Variants in LMBRD2 observed in about 807,000 individuals in gnomAD.
LMBRD2 encodes G protein-coupled receptor-associated protein LMBRD2.
LMBRD2 carries 55 observed loss-of-function variants against 94.4 expected under a neutral mutation model. That is an observed-to-expected ratio of 0.58 (90% CI 0.47 to 0.73). LMBRD2 has a LOEUF of 0.73. LMBRD2 is among the 30% of genes least tolerant of loss of function. LMBRD2 has a pLI of 0.00. For synonymous variants in LMBRD2, 246 were observed against 272.4 expected, an observed-to-expected ratio of 0.90 and a Z score of 0.95; for missense variants, 640 against 831.9, an observed-to-expected ratio of 0.77 and a Z score of 2.84.
At chr5:36,111,015 T>G (rs1743591704) in intron 14 of LMBRD2, 140 bp downstream of exon 14, 2 of 589,474 alleles carry the variant, frequency 3.4e-6, no homozygotes, top group African/African-American at 3.8e-5. Context: ...ATTGTACATT[T>G]TTAGCTAAAA....
chr5:36,133,773 T>C (rs1744208071), intron 6 of LMBRD2, among the ~76,000 whole-genome samples: 1 of 152,116 alleles, frequency 6.6e-6, no homozygotes, highest in Admixed American at 6.5e-5. Flanking sequence ...AGTCCAATGC[T>C]GGTCCTTAAT....
chr5:36,140,324 A>G (rs544100340), intron 4 of LMBRD2, among the ~76,000 whole-genome samples: 1 of 152,264 alleles, frequency 6.6e-6, no homozygotes, highest in East Asian at 1.9e-4. Context: ...TCACCACTCC[A>G]TGCCTGGCTC....
At chr5:36,114,645 A>G (rs1282341875) in intron 12 of LMBRD2, 124 bp from the exon 13 acceptor site, 5 of 1,182,352 alleles carry the variant, frequency 4.2e-6, no homozygotes, top group Non-Finnish European at 5.5e-6. Flanking sequence ...AAAAGTAGAA[A>G]AAAAGCAGTA....
At chr5:36,139,029 C>T (rs1744340263) in intron 4 of LMBRD2, among the ~76,000 whole-genome samples, 1 of 152,138 alleles carries the variant, frequency 6.6e-6, no homozygotes, top group Admixed American at 6.5e-5. Flanking sequence ...GAGCCCCACC[C>T]CCTTCCGAGT....
chr5:36,101,448 C>T lies in LMBRD2; in HGVS notation c.*2598G>A, dbSNP rs1362371445. The T allele has an allele frequency of 6.6e-6, 1 of 151,768 alleles. No homozygotes were observed. The highest frequency in any genetic ancestry group is 1.5e-5 in the Non-Finnish European group (1 of 67,826). 9.4% of individuals were successfully genotyped at this position (151,768 alleles called of 1,614,324 possible). On this transcript the variant is annotated 3_prime_UTR_variant, in exon 18 of 18. Transcript: ENST00000296603. The stretch of plus-strand genomic sequence containing the variant: ...TCATCAAAAATTACCAGAAATAATT[C>T]TTTAAGAAATGTACTTTGCATGTAA...
Position 36,122,942 on chromosome 5 carries a change from T to C in LMBRD2, c.842A>G (p.Glu281Gly). Residue 281 changes from glutamate to glycine, a missense_variant, in exon 8 of 18, where the codon GAA (glutamate) becomes GGA (glycine). Glu to Gly is a moderately conservative substitution (Grantham distance 98). Transcript: ENST00000296603. ...ATCATCCATGTTCCTACCCATTTTT[T>C]CCTGATACTCTGTAGGGCACTAAAA... is the stretch of plus-strand genomic sequence containing the variant. ...ILKKCPTEYQ[E>G]KMGRNMDDYE... 1 of 1,557,118 alleles carries C rather than the reference T, an allele frequency of 6.4e-7. No individual in the cohort carries two copies. The highest frequency in any genetic ancestry group is 1.4e-5 in the African/African-American group (1 of 70,402).
intron 9 of LMBRD2, among the ~76,000 whole-genome samples, chr5:36,118,547 G>C (rs1382744104): frequency 6.6e-6 from 1 of 151,578 alleles, no homozygotes; most frequent in Non-Finnish European, 1.5e-5. Flanking sequence ...CTCTAAAATA[G>C]TAATAAAAAA....
At chr5:36,124,306 AC>A in intron 6 of LMBRD2, 41 bp from the exon 7 acceptor site, 1 of 1,190,792 alleles carries the variant, frequency 8.4e-7, no homozygotes, top group South Asian at 1.3e-5. Context: ...TTCCATTTCT[AC>A]AGATCACATA....
intron 6 of LMBRD2, among the ~76,000 whole-genome samples, chr5:36,131,237 T>C (rs556843809): frequency 1.3e-5 from 2 of 152,244 alleles, no homozygotes; most frequent in South Asian, 2.1e-4. Context: ...AAAAAAGCCA[T>C]ATGAGCATTC....
At chr5:36,109,003 C>A (rs1049568069) in intron 15 of LMBRD2, among the ~76,000 whole-genome samples, 1 of 152,126 alleles carries the variant, frequency 6.6e-6, no homozygotes, top group Non-Finnish European at 1.5e-5. Flanking sequence ...AAATAAACTA[C>A]AAATATTAGA....
intron 6 of LMBRD2, among the ~76,000 whole-genome samples, chr5:36,126,266 T>C (rs1581053346): frequency 6.6e-6 from 1 of 152,226 alleles, no homozygotes; most frequent in South Asian, 2.1e-4. Flanking sequence ...TTTGTTTATA[T>C]ATTATATGTG....
At chr5:36,146,405 C>G (rs1042353869) in intron 1 of LMBRD2, among the ~76,000 whole-genome samples, 1 of 152,172 alleles carries the variant, frequency 6.6e-6, no homozygotes, top group Non-Finnish European at 1.5e-5. Context: ...GGGTCTCACA[C>G]TGTCGCCCAG....
Position 36,141,175 on chromosome 5 carries a change from A to T in LMBRD2, c.300T>A (p.Ser100Arg), listed in dbSNP as rs1215482617. 6.2e-7 allele frequency: 1 copy of T among 1,610,924 alleles called. No individual in the cohort carries two copies. The highest frequency in any genetic ancestry group is 1.7e-5 in the Admixed American group (1 of 59,804). Reference protein sequence around the residue: ...PSQHPCFKPWSYIPDGIMPIF... With the variant: ...PSQHPCFKPWRYIPDGIMPIF... ...TTGGCATGATTCCATCAGGAATGTA[A>T]CTCCATGGCTTGAAACAAGGATGCT... The change falls in exon 4 of 18, where the codon AGT (serine) becomes AGA (arginine). Residue 100 changes from serine (S) to arginine (R), a missense_variant. Physicochemically the swap from Ser to Arg is moderately radical, Grantham distance 110. Transcript: ENST00000296603.
intron 6 of LMBRD2, among the ~76,000 whole-genome samples, chr5:36,132,179 A>T (rs1744170646): frequency 6.6e-6 from 1 of 152,114 alleles, no homozygotes; most frequent in Non-Finnish European, 1.5e-5. Context: ...CATTTTTGAC[A>T]AGGGCTCCTA....
intron 4 of LMBRD2, among the ~76,000 whole-genome samples, chr5:36,139,945 T>C (rs1274556122): frequency 2.0e-5 from 3 of 152,184 alleles, no homozygotes; most frequent in African/African-American, 7.2e-5. Flanking sequence ...ATGGCAGAAC[T>C]GAAGGAGCTG....
chr5:36,113,458 G>C lies in LMBRD2; in HGVS notation c.1640+966C>G, dbSNP rs552848914. On this transcript the variant is annotated intron_variant, in intron 13 of 17. Coordinates refer to ENST00000296603, the MANE Select transcript of LMBRD2 (RefSeq NM_001007527.2). ...TTCCTTCTACAACTCGGTGTCTGAGGGGTTCTTGTCTGCGGCTCATCCTGC... is the reference window on the plus strand; with the variant it reads ...TTCCTTCTACAACTCGGTGTCTGAGCGGTTCTTGTCTGCGGCTCATCCTGC... Among the ~76,000 whole-genome samples the C allele has an allele frequency of 1.9e-4, 29 of 151,920 alleles. No homozygotes were observed. In the South Asian group the frequency reaches 6.0e-3, roughly 32 times the overall value.
At position 36,137,381 on chromosome 5, in the gene LMBRD2, C is replaced by T. The variant is rs1289100394; in HGVS notation, c.429G>A (p.Lys143=). Residue 143 remains lysine, a synonymous_variant, in exon 5 of 18, where the codon AAG becomes AAA. Transcript: ENST00000296603. ...CATTCTCAATTAGTGCAGTTTTGAT[C>T]TTTCCAGTGATGGAAAACCCTCCTG... The part of the protein sequence containing the change: ...ARSGGFSITG[K]IKTALIENAI... 1.0e-5 allele frequency: 16 copies of T among 1,605,236 alleles called. No homozygotes were observed. The highest frequency in any genetic ancestry group is 1.3e-5 in the Non-Finnish European group (15 of 1,173,854).
intron 1 of LMBRD2, among the ~76,000 whole-genome samples, chr5:36,147,578 TCTTTTTCCAATCATCAAA>T: frequency 6.6e-6 from 1 of 152,178 alleles, no homozygotes; most frequent in Non-Finnish European, 1.5e-5. Context: ...TCCAATTCAA[TCTTTTTCCAATCATCAAA>T]ATATTATTCA....
At chr5:36,107,225 A>G (rs988456644) in intron 16 of LMBRD2, among the ~76,000 whole-genome samples, 1 of 152,112 alleles carries the variant, frequency 6.6e-6, no homozygotes, top group Non-Finnish European at 1.5e-5. Flanking sequence ...CTCTGGTGAA[A>G]TTCCCCCCTA....
Sources: gnomAD v4.1 joint callset for allele counts (sites outside exome capture counted in the v4.1 genomes callset) on GRCh38, gnomAD v4.1.1 for gene constraint, MANE v1.5 for transcripts, NCBI Gene and HGNC (gene_info 2026-07-23, HGNC 2026-07-21) for gene names.